HELZ: variants seen among roughly 807,000 people sequenced by gnomAD.
HELZ encodes ATP-dependent RNA helicase with zinc finger domain.
In HELZ, 23 loss-of-function variants were observed where a neutral mutation model predicts 218.2. That is an observed-to-expected ratio of 0.11 (90% CI 0.08 to 0.15). The LOEUF is 0.15. HELZ is among the 10% of genes least tolerant of loss of function. HELZ has a pLI of 1.00. For synonymous variants in HELZ, 814 were observed against 829.4 expected (o/e 0.98, Z 0.32); for missense variants, 1,813 against 2,353.7 (o/e 0.77, Z 4.75).
Position 67,166,597 on chromosome 17 carries a change from C to T in HELZ, c.1776G>A (p.Gln592=). 1 of 1,613,432 alleles carries T rather than the reference C, an allele frequency of 6.2e-7. No homozygotes were observed. The highest frequency in any genetic ancestry group is 1.1e-5 in the South Asian group (1 of 91,054). The change falls in exon 15 of 33, where the codon CAG becomes CAA. Residue 592 remains glutamine, a synonymous_variant. Transcript: ENST00000358691. ...RPDCDTQVEL[Q]FQLNRLPLCE... ...AGAGGGGTAATCGATTTAATTGAAA[C>T]TGAAGTTCAACCTGAAAGACAAAAT...
chr17:67,179,947 T>C (rs2144232516), intron 12 of HELZ, among the ~76,000 whole-genome samples: 1 of 152,300 alleles, frequency 6.6e-6, no homozygotes, highest in Middle Eastern at 3.4e-3. Context: ...TCTTTTTTAG[T>C]GAGAGATTTG....
chr17:67,209,875 AT>A (rs1046867806), intron 5 of HELZ, among the ~76,000 whole-genome samples: 16 of 152,050 alleles, frequency 1.1e-4, no homozygotes, highest in African/African-American at 3.9e-4. Flanking sequence ...TTCACTAAAT[AT>A]TTTTTCCAAA....
intron 13 of HELZ, among the ~76,000 whole-genome samples, chr17:67,172,348 T>C (rs1327368426): frequency 6.6e-6 from 1 of 152,220 alleles, no homozygotes; most frequent in African/African-American, 2.4e-5. Context: ...CTGCCTCCAC[T>C]ACTGGATTAC....
chr17:67,099,970 T>C (rs1228221358), intron 31 of HELZ, among the ~76,000 whole-genome samples: 1 of 152,212 alleles, frequency 6.6e-6, no homozygotes, highest in African/African-American at 2.4e-5. Flanking sequence ...TTACATGCAT[T>C]AGATGGTTTA....
In HELZ at chr17:67,166,462, T is replaced by C. The variant is rs2039146840; in HGVS notation, c.1895+16A>G. 6.3e-7 allele frequency: 1 copy of C among 1,599,894 alleles called. No homozygotes were observed. Among genetic ancestry groups the C allele is most frequent in the Admixed American group, 1.7e-5 (1 of 59,106 alleles). On this transcript the variant is annotated intron_variant, in intron 15 of 32. Coordinates refer to ENST00000358691, the MANE Select transcript of HELZ (RefSeq NM_014877.4). ...ATTAACCTAACTTCCTTTAATAAGA[T>C]ATCGCCTTTTTGTACCTGTTAGGAC...
At chr17:67,104,745 CA>C (rs1327527773) in intron 31 of HELZ, among the ~76,000 whole-genome samples, 1 of 152,032 alleles carries the variant, frequency 6.6e-6, no homozygotes, top group Non-Finnish European at 1.5e-5. Flanking sequence ...TATGAATAGA[CA>C]TTTCTCCAAA....
chr17:67,078,119 A>G lies in HELZ; in HGVS notation c.*133T>C. 3.1e-6 allele frequency: 2 copies of G among 636,402 alleles called. No individual in the cohort carries two copies. Among genetic ancestry groups the G allele is most frequent in the Non-Finnish European group, 5.3e-6 (2 of 374,962 alleles). 39.4% of individuals were successfully genotyped at this position (636,402 alleles called of 1,614,324 possible). A position where few individuals can be genotyped will look rare whatever the true frequency, so the allele number is the denominator to read the frequency against. ...AAAATTAGTTGCAAGTCTAGCAGCA[A>G]AGCAATTAAGTGAGAACATATTTAA... is the stretch of plus-strand genomic sequence containing the variant. On this transcript the variant is annotated 3_prime_UTR_variant, in exon 33 of 33. Transcript: ENST00000358691.
Position 67,128,669 on chromosome 17 carries a change from C to G in HELZ, c.3369G>C (p.Gln1123His). ...GCTTTACCTTGGGTGGTGATTGCTG[C>G]TGTTTGTTGGTACTTCCTGAATGCT... ...RLQHSGSTNK[Q>H]QQSPPKGKSL... Residue 1123 changes from glutamine (Q) to histidine (H), a missense_variant, in exon 24 of 33, where the codon CAG (glutamine) becomes CAC (histidine). Gln to His is a conservative substitution (Grantham distance 24). Around this residue, in one of 4 missense-constraint regions of HELZ, gnomAD observed 938 missense variants for 1,027.5 expected, o/e 0.91. Coordinates refer to ENST00000358691, the MANE Select transcript of HELZ (RefSeq NM_014877.4). 4 of 1,614,064 alleles carry G rather than the reference C, an allele frequency of 2.5e-6. No homozygotes were observed. The highest frequency in any genetic ancestry group is 3.4e-6 in the Non-Finnish European group (4 of 1,179,936).
At chr17:67,104,303 G>A (rs2037024239) in intron 31 of HELZ, among the ~76,000 whole-genome samples, 1 of 152,086 alleles carries the variant, frequency 6.6e-6, no homozygotes, top group Admixed American at 6.5e-5. Context: ...GCCGGGTGTG[G>A]TGGTGGACAC....
At chr17:67,209,608 C>G (rs1002968647) in intron 5 of HELZ, among the ~76,000 whole-genome samples, 10 of 152,128 alleles carry the variant, frequency 6.6e-5, no homozygotes, top group Admixed American at 6.6e-4. Flanking sequence ...AAAAACAAAA[C>G]AAAACAAAAC....
chr17:67,228,820 G>A (rs1041779992), intron 3 of HELZ, among the ~76,000 whole-genome samples: 15 of 152,034 alleles, frequency 9.9e-5, no homozygotes, highest in African/African-American at 2.9e-4. Context: ...CCAGGTTCAA[G>A]AGATTCCCCT....
At chr17:67,097,241 T>G (rs1455954563) in intron 31 of HELZ, among the ~76,000 whole-genome samples, 1 of 152,166 alleles carries the variant, frequency 6.6e-6, no homozygotes, top group Non-Finnish European at 1.5e-5. Flanking sequence ...TGAAAAAGTT[T>G]AAAATACTGT....
intron 31 of HELZ, among the ~76,000 whole-genome samples, chr17:67,104,216 C>T (rs2037019572): frequency 6.6e-6 from 1 of 151,880 alleles, no homozygotes; most frequent in Admixed American, 6.6e-5. Flanking sequence ...GAGCAGATCA[C>T]GAGGTCAGGA....
chr17:67,219,448 G>A (rs2040687568), intron 3 of HELZ, among the ~76,000 whole-genome samples: 1 of 152,162 alleles, frequency 6.6e-6, no homozygotes, highest in Admixed American at 6.5e-5. Context: ...AAGCACAAAT[G>A]AACAATTACA....
chr17:67,181,337 C>T (rs1390613424), intron 12 of HELZ, among the ~76,000 whole-genome samples: 4 of 152,124 alleles, frequency 2.6e-5, no homozygotes, highest in Non-Finnish European at 4.4e-5. Context: ...CTTTTTGATT[C>T]ACCTACCTAA....
In HELZ at chr17:67,108,072, C is replaced by T. The variant is rs1456151183; in HGVS notation, c.4725-387G>A. 1.3e-5 allele frequency among the ~76,000 whole-genome samples: 2 copies of T among 152,092 alleles called. No homozygotes were observed. Among genetic ancestry groups the T allele is most frequent in the Non-Finnish European group, 2.9e-5 (2 of 68,010 alleles). On this transcript the variant is annotated intron_variant, in intron 30 of 32. Coordinates refer to ENST00000358691, the MANE Select transcript of HELZ (RefSeq NM_014877.4). This position sits in a 1 kb window ranked among gnomAD's most constrained non-coding sequence, Gnocchi z 4.1. The stretch of plus-strand genomic sequence containing the variant: ...GTTAGGACCAAATACTCATATGTAG[C>T]TGGAATTATAGGAATGTAGAATTCT...
intron 31 of HELZ, among the ~76,000 whole-genome samples, chr17:67,104,623 G>A (rs528450245): frequency 2.6e-5 from 4 of 152,046 alleles, no homozygotes; most frequent in Admixed American, 2.6e-4. Flanking sequence ...CACAGTGAGA[G>A]AAATAATTGC....
chr17:67,183,243 C>T (rs970212505), intron 12 of HELZ, among the ~76,000 whole-genome samples: 1 of 152,166 alleles, frequency 6.6e-6, no homozygotes, highest in Non-Finnish European at 1.5e-5. Flanking sequence ...ACCCAAACTG[C>T]CACATGGAAG....
intron 3 of HELZ, among the ~76,000 whole-genome samples, chr17:67,237,896 G>A (rs1339561990): frequency 1.3e-5 from 2 of 151,150 alleles, no homozygotes; most frequent in East Asian, 3.9e-4. Flanking sequence ...GCTGAGGCAG[G>A]AGAATCACTT....
Sources: allele counts gnomAD v4.1 joint callset (sites outside exome capture counted in the v4.1 genomes callset), GRCh38; gene constraint gnomAD v4.1.1; regional missense constraint gnomAD v4.1.1; non-coding constraint Gnocchi (gnomAD v3.1); transcripts MANE v1.5; gene names NCBI Gene and HGNC (gene_info 2026-07-23, HGNC 2026-07-21).